The following DAB1 variants were observed in gnomAD, a reference collection of about 807,000 sequenced individuals.
The protein encoded by DAB1 is disabled homolog 1.
A neutral mutation model predicts 64.6 loss-of-function variants in DAB1; 15 were observed. The observed-to-expected ratio is 0.23, with a 90% CI of 0.16 to 0.36. DAB1 has a LOEUF of 0.36. DAB1 is among the 10% of genes least tolerant of loss of function. The pLI is 1.00. For synonymous variants in DAB1, 235 were observed against 251.9 expected, an observed-to-expected ratio of 0.93 and a Z score of 0.64; for missense variants, 596 against 706.7, an observed-to-expected ratio of 0.84 and a Z score of 1.78.
At chr1:57,130,767 T>A (rs991027633) in intron 4 of DAB1, among the ~76,000 whole-genome samples, 12 of 152,188 alleles carry the variant, frequency 7.9e-5, no homozygotes, top group African/African-American at 2.4e-4. Context: ...GAGATGTTAG[T>A]AAATGGGTAT....
intron 1 of DAB1, among the ~76,000 whole-genome samples, chr1:57,878,019 G>T (rs1644080499): frequency 6.6e-6 from 1 of 152,046 alleles, no homozygotes; most frequent in African/African-American, 2.4e-5. Flanking sequence ...GTCTTTTCGG[G>T]TGTCTATAAT....
intron 5 of DAB1, among the ~76,000 whole-genome samples, chr1:57,967,944 A>G (rs1645708483): frequency 6.6e-6 from 1 of 152,172 alleles, no homozygotes; most frequent in Non-Finnish European, 1.5e-5. Flanking sequence ...TAAAACAGGA[A>G]CACATCCTTG....
At chr1:58,085,444 T>C (rs946546036) in intron 5 of DAB1, among the ~76,000 whole-genome samples, 2 of 152,154 alleles carry the variant, frequency 1.3e-5, no homozygotes, top group Admixed American at 6.6e-5. Context: ...CATAGCTCAT[T>C]GCAGCCTCAA....
chr1:58,525,160 T>A (rs1646330070), intron 2 of DAB1, among the ~76,000 whole-genome samples: 1 of 152,188 alleles, frequency 6.6e-6, no homozygotes, highest in South Asian at 2.1e-4. Context: ...TGGTAAAAAA[T>A]TATAAAAGAC....
At chr1:57,380,030 T>C (rs190858818) in intron 1 of DAB1, among the ~76,000 whole-genome samples, 8 of 152,374 alleles carry the variant, frequency 5.3e-5, no homozygotes, top group African/African-American at 2.4e-5. Context: ...TTGTTGTTTC[T>C]ATTATTTTGT....
chr1:57,115,514 C>T (rs992481615), intron 4 of DAB1, among the ~76,000 whole-genome samples: 7 of 152,088 alleles, frequency 4.6e-5, no homozygotes, highest in South Asian at 2.1e-4. Flanking sequence ...CTACATGTGG[C>T]GCTTGAAATG....
intron 3 of DAB1, among the ~76,000 whole-genome samples, chr1:58,497,674 G>C (rs1038326164): frequency 9.9e-5 from 15 of 152,112 alleles, no homozygotes; most frequent in African/African-American, 3.6e-4. Context: ...TCTCTAATTT[G>C]CAAGTATGTC....
rs1662846951 is a variant in DAB1 at position 58,327,090 on chromosome 1, G to A, written n.309+16262C>T. On this transcript the variant is annotated intron_variant and non_coding_transcript_variant, in intron 4 of 20. Coordinates refer to the DAB1 transcript ENST00000485760. ...CTAGTGCCTATTATTCCTGTCATTTGATTAAAATTTTCCACAATTCCTATG... is the reference window on the plus strand; with the variant it reads ...CTAGTGCCTATTATTCCTGTCATTTAATTAAAATTTTCCACAATTCCTATG... 4.6e-5 allele frequency among the ~76,000 whole-genome samples: 7 copies of A among 152,130 alleles called. No homozygotes were observed. The South Asian group carries it at 1.2e-3, about 27-fold the overall frequency.
intron 5 of DAB1, among the ~76,000 whole-genome samples, chr1:57,942,269 G>T (rs755022365): frequency 2.0e-5 from 3 of 152,184 alleles, no homozygotes; most frequent in African/African-American, 4.8e-5. Flanking sequence ...CTGAGCAGCT[G>T]CAATGCATCA....
chr1:57,799,592 G>GA lies in DAB1; in HGVS notation n.551+84406_551+84407insT, dbSNP rs1486367325. Among the ~76,000 whole-genome samples, 6 of 151,242 alleles carry GA rather than the reference G, an allele frequency of 4.0e-5. No individual in the cohort carries two copies. The East Asian group carries it at 1.2e-3, about 29-fold the overall frequency. On this transcript the variant is annotated intron_variant and non_coding_transcript_variant, in intron 6 of 20. Coordinates refer to the DAB1 transcript ENST00000485760. ...AAAAAAAAAAAAAAGATCTGGGGGG[G>GA]GCTTTCAGGAAGATTAAACTGGCTG...
chr1:57,784,806 A>C (rs1650263464), intron 6 of DAB1, among the ~76,000 whole-genome samples: 2 of 152,348 alleles, frequency 1.3e-5, no homozygotes, highest in African/African-American at 4.8e-5. Context: ...AAGATGAAGG[A>C]GCAAGTTATC....
chr1:58,404,825 C>T (rs555004491), intron 3 of DAB1, among the ~76,000 whole-genome samples: 44 of 152,290 alleles, frequency 2.9e-4, no homozygotes, highest in African/African-American at 1.0e-3. Flanking sequence ...GCCCAGGAAA[C>T]AGTCATGTCC....
chr1:57,208,418 C>T (rs1665757955), intron 2 of DAB1, among the ~76,000 whole-genome samples: 1 of 152,192 alleles, frequency 6.6e-6, no homozygotes, highest in Admixed American at 6.5e-5. Context: ...ATCTGCTCCC[C>T]TTTCAAATGA....
chr1:58,531,415 C>T (rs17117654), intron 1 of DAB1, among the ~76,000 whole-genome samples: 2 of 151,802 alleles, frequency 1.3e-5, no homozygotes, highest in Non-Finnish European at 2.9e-5. Context: ...TATCAGTTAC[C>T]AAAAAAGATT....
Position 57,154,320 on chromosome 1 carries a change from C to T in DAB1, c.68-8891G>A, listed in dbSNP as rs911206381. On this transcript the variant is annotated intron_variant, in intron 2 of 14. Coordinates refer to ENST00000371236, the MANE Select transcript of DAB1 (RefSeq NM_001365792.1). The stretch of plus-strand genomic sequence containing the variant: ...GTCTTTCTGTGCCTGGCTTATTTCA[C>T]TTAACCTAATGATCTCCAGTTCCAT... Among the ~76,000 whole-genome samples, 7 of 152,312 alleles carry T rather than the reference C, an allele frequency of 4.6e-5. No individual in the cohort carries two copies. In the East Asian group the frequency reaches 1.2e-3, roughly 25 times the overall value.
At chr1:57,795,691 A>AT (rs1491252678) in intron 6 of DAB1, among the ~76,000 whole-genome samples, 11 of 3,376 alleles carry the variant, frequency 3.3e-3, no homozygotes, top group African/African-American at 0.011. Flanking sequence ...ATGCTTGGAG[A>AT]TATATATATA....
intron 7 of DAB1, among the ~76,000 whole-genome samples, chr1:57,465,224 T>C (rs1205822701): frequency 6.6e-6 from 1 of 152,214 alleles, no homozygotes; most frequent in Non-Finnish European, 1.5e-5. Flanking sequence ...ACAGTTCCTC[T>C]GGTTTATGGG....
intron 3 of DAB1, among the ~76,000 whole-genome samples, chr1:57,138,789 T>A (rs917536066): frequency 6.6e-6 from 1 of 152,186 alleles, no homozygotes; most frequent in African/African-American, 2.4e-5. Context: ...CCAAATTGCA[T>A]CTCCTTTGTT....
chr1:58,332,908 T>G (rs1378641669), intron 4 of DAB1, among the ~76,000 whole-genome samples: 1 of 152,024 alleles, frequency 6.6e-6, no homozygotes, highest in Non-Finnish European at 1.5e-5. Context: ...AAAATTTTAT[T>G]TATTTATTTA....
Sources: gnomAD v4.1 joint callset for allele counts (sites outside exome capture counted in the v4.1 genomes callset) on GRCh38, gnomAD v4.1.1 for gene constraint, MANE v1.5 for transcripts, NCBI Gene and HGNC (gene_info 2026-07-23, HGNC 2026-07-21) for gene names.